Variants in PCBP3 observed in about 807,000 individuals in gnomAD.
PCBP3 encodes the protein poly(rC) binding protein 3.
A neutral mutation model predicts 52.7 loss-of-function variants in PCBP3; 25 were observed. The ratio of observed to expected loss-of-function variants is 0.47; its 90% CI spans 0.35 to 0.66. PCBP3 has a LOEUF of 0.66. PCBP3 is among the 30% of genes least tolerant of loss of function. The probability of loss-of-function intolerance (pLI) is 0.01; values close to 1 mark genes in which losing one functional copy is unlikely to be tolerated. For synonymous variants in PCBP3, 162 were observed against 183.0 expected (o/e 0.89, Z 0.93); for missense variants, 391 against 490.3 (o/e 0.80, Z 1.91).
intron 15 of PCBP3, 92 bp from the exon 16 acceptor site, chr21:45,935,161 C>G: frequency 1.0e-5 from 9 of 860,592 alleles, no homozygotes; most frequent in Non-Finnish European, 1.7e-5. Flanking sequence ...ACAGCCCTGT[C>G]TCACTTGACC....
intron 2 of PCBP3, among the ~76,000 whole-genome samples, chr21:45,693,445 T>A (rs2147832893): frequency 6.6e-6 from 1 of 152,218 alleles, no homozygotes; most frequent in East Asian, 1.9e-4. Context: ...GAATAGCCCA[T>A]AAAGGAACAC....
At chr21:45,649,394 C>T (rs1282385303) in intron 1 of PCBP3, among the ~76,000 whole-genome samples, 2 of 152,148 alleles carry the variant, frequency 1.3e-5, no homozygotes, top group African/African-American at 4.8e-5. Flanking sequence ...ATATCCTCCT[C>T]TTTAAAAAAT....
intron 17 of PCBP3, 54 bp downstream of exon 17, chr21:45,940,253 G>T: frequency 7.3e-6 from 11 of 1,515,700 alleles, no homozygotes; most frequent in Non-Finnish European, 9.0e-6. Flanking sequence ...CGCGCCAGCC[G>T]GCGTTACATC....
intron 2 of PCBP3, among the ~76,000 whole-genome samples, chr21:45,684,301 A>G (rs1396050622): frequency 6.6e-6 from 1 of 152,214 alleles, no homozygotes; most frequent in Non-Finnish European, 1.5e-5. Context: ...GGTATTAAGT[A>G]TGAAATTTAT....
At chr21:45,755,532 C>T (rs1046952327) in intron 4 of PCBP3, among the ~76,000 whole-genome samples, 80 bp downstream of exon 4, 9 of 152,174 alleles carry the variant, frequency 5.9e-5, no homozygotes, top group Admixed American at 2.0e-4. Context: ...TGTACATTCC[C>T]ACAAACAGTG....
At chr21:45,696,824 G>C (rs1382262201) in intron 2 of PCBP3, among the ~76,000 whole-genome samples, 2 of 151,764 alleles carry the variant, frequency 1.3e-5, no homozygotes, top group Admixed American at 6.6e-5. Flanking sequence ...CAAAAAATGG[G>C]CAAGAGCCTT....
intron 4 of PCBP3, among the ~76,000 whole-genome samples, chr21:45,813,010 C>T (rs1007780709): frequency 2.0e-5 from 3 of 152,054 alleles, no homozygotes; most frequent in African/African-American, 4.8e-5. Flanking sequence ...GTTTTCTTCT[C>T]TTCTGTTTTT....
intron 4 of PCBP3, among the ~76,000 whole-genome samples, chr21:45,823,732 T>TTA (rs1555957186): frequency 2.0e-4 from 30 of 151,222 alleles, no homozygotes; most frequent in East Asian, 9.8e-4. Flanking sequence ...GTTTTTTTTT[T>TTA]ATTTTTTAAT....
intron 1 of PCBP3, among the ~76,000 whole-genome samples, chr21:45,661,661 T>G (rs2080398289): frequency 6.6e-6 from 1 of 152,244 alleles, no homozygotes; most frequent in African/African-American, 2.4e-5. Context: ...TTCCTTTGGG[T>G]AGATAGCCAG....
At chr21:45,806,401 G>A (rs77286768) in intron 4 of PCBP3, among the ~76,000 whole-genome samples, 9,372 of 152,046 alleles carry the variant, frequency 0.062, 395 homozygotes, top group East Asian at 0.21. Flanking sequence ...TTTCTTCTCA[G>A]ATCCACTGGC....
intron 13 of PCBP3, among the ~76,000 whole-genome samples, chr21:45,925,912 G>A (rs758801154): frequency 1.1e-4 from 16 of 152,212 alleles, no homozygotes; most frequent in Non-Finnish European, 1.8e-4. Flanking sequence ...GTAGACAAGT[G>A]TGAAGAAGGC....
chr21:45,681,478 A>G (rs1233771260), intron 2 of PCBP3, among the ~76,000 whole-genome samples: 1 of 152,122 alleles, frequency 6.6e-6, no homozygotes, highest in Non-Finnish European at 1.5e-5. Context: ...TGATAAACCC[A>G]TTGTATATTG....
At chr21:45,768,387 C>T (rs138372430) in intron 4 of PCBP3, among the ~76,000 whole-genome samples, 8 of 152,328 alleles carry the variant, frequency 5.3e-5, no homozygotes, top group African/African-American at 1.2e-4. Context: ...TTCCTGAAGG[C>T]GTTTCTGTTG....
At chr21:45,779,892 A>G (rs538497875) in intron 4 of PCBP3, among the ~76,000 whole-genome samples, 7 of 152,342 alleles carry the variant, frequency 4.6e-5, no homozygotes, top group African/African-American at 1.7e-4. Context: ...GCAATAGTCA[A>G]TGCAGTGTGG....
chr21:45,695,056 T>C (rs1355096889), intron 2 of PCBP3, among the ~76,000 whole-genome samples: 1 of 152,216 alleles, frequency 6.6e-6, no homozygotes, highest in African/African-American at 2.4e-5. Flanking sequence ...ATTATGAGGA[T>C]ATACTATCAA....
chr21:45,904,114 C>G lies in PCBP3; in HGVS notation c.339+3001C>G, dbSNP rs143839896. Among the ~76,000 whole-genome samples the G allele has an allele frequency of 6.6e-6, 1 of 152,104 alleles. No individual in the cohort carries two copies. Among genetic ancestry groups the G allele is most frequent in the African/African-American group, 2.4e-5 (1 of 41,422 alleles). ...TTGGGAAGATGTCATGGGAAGCAGC[C>G]GTAACCTACGCTATTACGTAGGTTA... On this transcript the variant is annotated intron_variant, in intron 9 of 17. Transcript: ENST00000681687. The surrounding 1 kb of genome is among the most constrained non-coding windows in gnomAD (Gnocchi z 4.8).
chr21:45,825,886 T>G (rs1236942329), intron 4 of PCBP3, among the ~76,000 whole-genome samples: 1 of 152,150 alleles, frequency 6.6e-6, no homozygotes, highest in Non-Finnish European at 1.5e-5. Flanking sequence ...TCCAAATGAC[T>G]TTTTCCTTAT....
intron 17 of PCBP3, among the ~76,000 whole-genome samples, chr21:45,940,837 CG>C (rs2077389118): frequency 6.6e-6 from 1 of 152,174 alleles, no homozygotes; most frequent in African/African-American, 2.4e-5. Flanking sequence ...CCACCAGCCC[CG>C]CCGGCCTCTG....
At chr21:45,670,297 T>C (rs944894754) in intron 2 of PCBP3, among the ~76,000 whole-genome samples, 1 of 152,146 alleles carries the variant, frequency 6.6e-6, no homozygotes, top group Non-Finnish European at 1.5e-5. Flanking sequence ...AGATTTTTAA[T>C]TGGGTTGTTT....
Sources: allele counts gnomAD v4.1 joint callset (sites outside exome capture counted in the v4.1 genomes callset), GRCh38; gene constraint gnomAD v4.1.1; non-coding constraint Gnocchi (gnomAD v3.1); transcripts MANE v1.5; gene names NCBI Gene and HGNC (gene_info 2026-07-23, HGNC 2026-07-21).